TDRD6: variants seen among roughly 807,000 people sequenced by gnomAD.
TDRD6 encodes tudor domain containing 6.
A neutral mutation model predicts 157.5 loss-of-function variants in TDRD6; 186 were observed. The ratio of observed to expected loss-of-function variants is 1.18; its 90% confidence interval spans 1.05 to 1.33. TDRD6 has a LOEUF of 1.33. TDRD6 is among the 40% of genes most tolerant of loss of function. TDRD6 has a pLI of 0.00. For missense variants in TDRD6, 3,066 were observed against 2,508.0 expected (o/e 1.22, Z -4.75); for synonymous variants, 1,075 against 945.2 (o/e 1.14, Z -2.52).
chr6:46,699,496 A>G (rs1173668757), intron 3 of TDRD6, among the ~76,000 whole-genome samples: 6 of 152,152 alleles, frequency 3.9e-5, no homozygotes, highest in Admixed American at 3.3e-4. Flanking sequence ...TAACACCACA[A>G]TACAGCAAAG....
rs745494102 is a variant in TDRD6, at chr6:46,689,461, C to T, written c.1333C>T (p.Arg445Ter). ...AGTACAGTCGTGTTGCTTGGCTGAC[C>T]GAGTCCTTCAGAGCCAGGCAACAGA... ...FGVQSCCLAD[R>*]VLQSQATEEE... The change falls in exon 1 of 4, where the codon CGA becomes TGA. Residue 445 changes from arginine (R) to a stop codon, truncating the protein, a stop_gained. Transcript: ENST00000316081. LOFTEE classifies it high-confidence loss of function. The T allele has an allele frequency of 6.2e-7, 1 of 1,613,298 alleles. No individual in the cohort carries two copies. The highest frequency in any genetic ancestry group is 1.7e-5 in the Admixed American group (1 of 60,018).
Position 46,688,215 on chromosome 6 carries a change from G to C in TDRD6, c.87G>C (p.Pro29=). The change falls in exon 1 of 4, where the codon CCG becomes CCC. Residue 29 remains proline, a synonymous_variant. Transcript: ENST00000316081. ...TGGACGTGCATCCCGATGTGATCCC[G>C]GTGCAGCTGTGGGGGCTGGTGGGCG... ...SFVDVHPDVI[P]VQLWGLVGER... 6.5e-7 allele frequency: 1 copy of C among 1,539,906 alleles called. No individual in the cohort carries two copies. The highest frequency in any genetic ancestry group is 1.2e-5 in the South Asian group (1 of 84,424).
Position 46,692,242 on chromosome 6 carries a change from G to T in TDRD6, c.4114G>T (p.Ala1372Ser). 1 of 1,614,084 alleles carries T rather than the reference G, an allele frequency of 6.2e-7. No homozygotes were observed. The highest frequency in any genetic ancestry group is 8.5e-7 in the Non-Finnish European group (1 of 1,179,958). The part of the protein sequence containing the change: ...VFPEDNLWYR[A>S]VIKEQQPNDL... ...CCCAGAAGATAATTTATGGTATCGTGCTGTGATCAAGGAGCAACAACCCAA... is the reference window on the plus strand; with the variant it reads ...CCCAGAAGATAATTTATGGTATCGTTCTGTGATCAAGGAGCAACAACCCAA... Residue 1372 changes from alanine (A) to serine (S), a missense_variant, in exon 1 of 4, where the codon GCT becomes TCT. Transcript: ENST00000316081.
chr6:46,688,429 G>C lies in TDRD6; in HGVS notation c.301G>C (p.Glu101Gln). The C allele has an allele frequency of 6.5e-7, 1 of 1,541,566 alleles. No individual in the cohort carries two copies. Among genetic ancestry groups the C allele is most frequent in the South Asian group, 1.2e-5 (1 of 84,132 alleles). The change falls in exon 1 of 4, where the codon GAG becomes CAG. Residue 101 changes from glutamate to glutamine, a missense_variant. Glu to Gln is a conservative substitution (Grantham distance 29, BLOSUM62 2). Transcript: ENST00000316081. ...AQESRVFLLD[E>Q]GRTITAGAGS... ...GGAGAGCCGTGTCTTCCTGCTGGACGAGGGCCGCACCATCACGGCCGGAGC... is the reference window on the plus strand; with the variant it reads ...GGAGAGCCGTGTCTTCCTGCTGGACCAGGGCCGCACCATCACGGCCGGAGC...
the TDRD6 span, among the ~76,000 whole-genome samples, chr6:46,680,665 C>T: frequency 1.8e-4 from 28 of 152,136 alleles, no homozygotes; most frequent in African/African-American, 6.3e-4. Flanking sequence ...ACCTTTAATG[C>T]TATATCCAAG....
chr6:46,695,171 A>G (rs1337299736), intron 1 of TDRD6, among the ~76,000 whole-genome samples: 1 of 152,174 alleles, frequency 6.6e-6, no homozygotes, highest in Non-Finnish European at 1.5e-5. Context: ...AATAGTGAGA[A>G]TGAAAATCAA....
Position 46,688,269 on chromosome 6 carries a change from C to G in TDRD6, c.141C>G (p.Ser47Arg). ...GGCGGGGCGAGTACCTGCGGCTGAGCCGGGAAATCCAGGAAGCGGCGGCCA... is the reference window on the plus strand; with the variant it reads ...GGCGGGGCGAGTACCTGCGGCTGAGGCGGGAAATCCAGGAAGCGGCGGCCA... ...GERRGEYLRL[S>R]REIQEAAATR... Residue 47 changes from serine to arginine, a missense_variant, in exon 1 of 4, where the codon AGC becomes AGG. Physicochemically the swap from Ser to Arg is moderately radical, Grantham distance 110. Transcript: ENST00000316081. The G allele has an allele frequency of 1.3e-6, 2 of 1,504,754 alleles. No homozygotes were observed. The highest frequency in any genetic ancestry group is 1.8e-6 in the Non-Finnish European group (2 of 1,134,788). 93.2% of individuals were successfully genotyped at this position (1,504,754 alleles called of 1,614,324 possible).
In TDRD6 at chr6:46,689,000, C is replaced by T. The variant is rs763840866; in HGVS notation, c.872C>T (p.Thr291Met). The part of the protein sequence containing the change: ...ESMAQVYRGS[T>M]GTGDENSTSA... ...ATGGCCCAGGTATACCGGGGTTCCA[C>T]GGGGACAGGGGATGAGAACTCTACC... Residue 291 changes from threonine to methionine, a missense_variant, in exon 1 of 4, where the codon ACG (threonine) becomes ATG (methionine). Transcript: ENST00000316081. The T allele has an allele frequency of 6.8e-6, 11 of 1,613,552 alleles. No homozygotes were observed. Among genetic ancestry groups the T allele is most frequent in the African/African-American group, 2.7e-5 (2 of 74,910 alleles).
At position 46,693,409 on chromosome 6, in the gene TDRD6, A is replaced by G. The variant is rs149798109; in HGVS notation, c.5281A>G (p.Ile1761Val). 1.6e-4 allele frequency: 254 copies of G among 1,614,044 alleles called. No individual in the cohort carries two copies. The highest frequency in any genetic ancestry group is 1.9e-4 in the Non-Finnish European group (222 of 1,180,010). The change falls in exon 1 of 4, where the codon ATT becomes GTT. Residue 1761 changes from isoleucine to valine, a missense_variant. Physicochemically the swap from Ile to Val is conservative, Grantham distance 29. Coordinates refer to ENST00000316081, the MANE Select transcript of TDRD6 (RefSeq NM_001010870.3). ...AATAACTGAAAAAGATGTAAACATT[A>G]TTGGAACCAAACCAAGTAACTTCCG... ...AEITEKDVNI[I>V]GTKPSNFRDP...
Position 46,690,958 on chromosome 6 carries a change from T to A in TDRD6, c.2830T>A (p.Phe944Ile). The A allele has an allele frequency of 6.2e-7, 1 of 1,614,140 alleles. No individual in the cohort carries two copies. The highest frequency in any genetic ancestry group is 8.5e-7 in the Non-Finnish European group (1 of 1,179,996). Residue 944 changes from phenylalanine to isoleucine, a missense_variant, in exon 1 of 4, where the codon TTT (phenylalanine) becomes ATT (isoleucine). Coordinates refer to ENST00000316081, the MANE Select transcript of TDRD6 (RefSeq NM_001010870.3). Reference protein sequence around the residue: ...LFNIVDLLTPFQSACHFLVEK... With the variant: ...LFNIVDLLTPIQSACHFLVEK... The stretch of plus-strand genomic sequence containing the variant: ...TAACATTGTGGATTTGCTAACCCCC[T>A]TTCAGAGTGCATGCCATTTCTTGGT...
upstream of TDRD6, chr6:46,687,764 G>C (rs556164623): frequency 1.2e-4 from 26 of 210,228 alleles, no homozygotes; most frequent in South Asian, 8.4e-4. Context: ...CTCCCACCTC[G>C]GGGTCTCCTG....
Position 46,688,289 on chromosome 6 carries a change from C to G in TDRD6, c.161C>G (p.Ala54Gly). The G allele has an allele frequency of 6.7e-7, 1 of 1,492,086 alleles. No homozygotes were observed. The highest frequency in any genetic ancestry group is 8.9e-7 in the Non-Finnish European group (1 of 1,129,496). 92.4% of individuals were successfully genotyped at this position (1,492,086 alleles called of 1,614,324 possible). ...LRLSREIQEA[A>G]ATRGQWALGS... is the part of the protein sequence containing the mutation. ...CTGAGCCGGGAAATCCAGGAAGCGG[C>G]GGCCACGCGCGGCCAGTGGGCGCTG... Residue 54 changes from alanine (A) to glycine (G), a missense_variant, in exon 1 of 4, where the codon GCG (alanine) becomes GGG (glycine). Coordinates refer to ENST00000316081, the MANE Select transcript of TDRD6 (RefSeq NM_001010870.3).
In TDRD6 at chr6:46,691,972, G is replaced by A. The variant is rs771080628; in HGVS notation, c.3844G>A (p.Gly1282Arg). ...AGCTACTCTTTCAGAGAGAAAAATAGGAGATTCATGTGACAAAGATTTGCC... is the reference window on the plus strand; with the variant it reads ...AGCTACTCTTTCAGAGAGAAAAATAAGAGATTCATGTGACAAAGATTTGCC... ...VEATLSERKI[G>R]DSCDKDLPLK... Residue 1282 changes from glycine to arginine, a missense_variant, in exon 1 of 4, where the codon GGA (glycine) becomes AGA (arginine). Physicochemically the swap from Gly to Arg is moderately radical, Grantham distance 125. Coordinates refer to ENST00000316081, the MANE Select transcript of TDRD6 (RefSeq NM_001010870.3). 8 of 1,613,666 alleles carry A rather than the reference G, an allele frequency of 5.0e-6. No individual in the cohort carries two copies. The highest frequency in any genetic ancestry group is 5.1e-6 in the Non-Finnish European group (6 of 1,179,886).
Position 46,689,558 on chromosome 6 carries a change from C to G in TDRD6, c.1430C>G (p.Ala477Gly), listed in dbSNP as rs751309501. The change falls in exon 1 of 4, where the codon GCC becomes GGC. Residue 477 changes from alanine (A) to glycine (G), a missense_variant. Ala to Gly is a moderately conservative substitution (Grantham distance 60). Transcript: ENST00000316081. ...EEVDEEISLP[A>G]LRSIRLKMNA... ...GTAGATGAAGAGATTTCACTCCCAG[C>G]CTTAAGATCTATCAGGTTAAAGATG... The G allele has an allele frequency of 1.2e-6, 2 of 1,614,004 alleles. No homozygotes were observed. Among genetic ancestry groups the G allele is most frequent in the African/African-American group, 1.3e-5 (1 of 74,908 alleles).
Position 46,689,982 on chromosome 6 carries a change from CT to C in TDRD6, c.1860del (p.Phe620LeufsTer10), listed in dbSNP as rs1298594369. The C allele has an allele frequency of 6.2e-7, 1 of 1,613,274 alleles. No individual in the cohort carries two copies. The highest frequency in any genetic ancestry group is 2.2e-5 in the East Asian group (1 of 44,852). On this transcript the variant is annotated frameshift_variant, in exon 1 of 4. Coordinates refer to ENST00000316081, the MANE Select transcript of TDRD6 (RefSeq NM_001010870.3). LOFTEE classifies it high-confidence loss of function. ...GKTWSQEAVS[F>X]FKKTVLHKEL... ...AAACTTGGAGCCAGGAGGCAGTTTC[CT>C]TTTTTAAAAAGACTGTGCTCCACAA...
rs766156991 is a variant in TDRD6 at position 46,690,512 on chromosome 6, T to C, written c.2384T>C (p.Ile795Thr). The C allele has an allele frequency of 6.2e-7, 1 of 1,614,162 alleles. No homozygotes were observed. The highest frequency in any genetic ancestry group is 8.5e-7 in the Non-Finnish European group (1 of 1,180,024). The change falls in exon 1 of 4, where the codon ATA becomes ACA. Residue 795 changes from isoleucine to threonine, a missense_variant. Coordinates refer to ENST00000316081, the MANE Select transcript of TDRD6 (RefSeq NM_001010870.3). ...GYFWCQLTRN[I>T]QGLKTLMSDI... ...TTCTGGTGTCAGCTGACCAGGAACA[T>C]ACAAGGACTTAAAACTCTAATGTCT...
chr6:46,684,656 C>A (rs775260440), upstream of TDRD6, among the ~76,000 whole-genome samples: 6 of 152,058 alleles, frequency 3.9e-5, no homozygotes, highest in Non-Finnish European at 7.4e-5. Flanking sequence ...TACGGAGAAC[C>A]TTCCTAAGTT....
At position 46,693,589 on chromosome 6, in the gene TDRD6, C is replaced by T. The variant is rs1426894310; in HGVS notation, c.5461C>T (p.Pro1821Ser). ...YLITGFNTLL[P>S]HANETKEILE... ...GATTACAGGATTTAACACATTACTA[C>T]CACATGCTAATGAAACAAAGGAGAT... The change falls in exon 1 of 4, where the codon CCA becomes TCA. Residue 1821 changes from proline (P) to serine (S), a missense_variant. Pro to Ser is a moderately conservative substitution (Grantham distance 74, BLOSUM62 -1). Coordinates refer to ENST00000316081, the MANE Select transcript of TDRD6 (RefSeq NM_001010870.3). The T allele has an allele frequency of 1.9e-6, 3 of 1,614,018 alleles. No individual in the cohort carries two copies. The African/African-American group carries it at 4.0e-5, about 22-fold the overall frequency.
At chr6:46,696,601 ATTTTTTTTTTTTTTT>A (rs1157915506) in intron 2 of TDRD6, among the ~76,000 whole-genome samples, 10 of 11,540 alleles carry the variant, frequency 8.7e-4, no homozygotes, top group African/African-American at 3.4e-3. Flanking sequence ...ATATATATAT[ATTTTTTTTTTTTTTT>A]TTTTTTTTTT....
Sources: allele counts gnomAD v4.1 joint callset (sites outside exome capture counted in the v4.1 genomes callset), GRCh38; gene constraint gnomAD v4.1.1; transcripts MANE v1.5; gene names NCBI Gene and HGNC (gene_info 2026-07-23, HGNC 2026-07-21).